The following TAF5 variants were observed in gnomAD, a reference collection of about 807,000 sequenced individuals.
The protein encoded by TAF5 is transcription initiation factor TFIID subunit 5.
In TAF5, 20 loss-of-function variants were observed where a neutral mutation model predicts 80.9. The observed-to-expected ratio is 0.25, with a 90% CI of 0.17 to 0.36. The LOEUF is 0.36. Ranked by LOEUF, TAF5 falls within the 10% of genes least tolerant of loss-of-function variation. TAF5 has a pLI of 1.00. For missense variants in TAF5, 863 were observed against 1,029.4 expected, an observed-to-expected ratio of 0.84 and a Z score of 2.21; for synonymous variants, 388 against 406.4, an observed-to-expected ratio of 0.95 and a Z score of 0.55.
chr10:103,378,333 A>G lies in TAF5; in HGVS notation c.896A>G (p.Asp299Gly). Residue 299 changes from aspartate to glycine, a missense_variant, in exon 3 of 11, where the codon GAT (aspartate) becomes GGT (glycine). Physicochemically the swap from Asp to Gly is moderately conservative, Grantham distance 94 (BLOSUM62 -1). Transcript: ENST00000369839. The surrounding 1 kb of genome is among the most constrained non-coding windows in gnomAD (Gnocchi z 4.1). The stretch of plus-strand genomic sequence containing the variant: ...ATGAAAGGGAATGAGACCATGTTGG[A>G]TTTTCGAACAAGTAAATTTGTTCTG... ...EHMKGNETML[D>G]FRTSKFVLRI... 6.2e-7 allele frequency: 1 copy of G among 1,614,158 alleles called. No individual in the cohort carries two copies. Among genetic ancestry groups the G allele is most frequent in the Non-Finnish European group, 8.5e-7 (1 of 1,180,018 alleles).
chr10:103,381,025 C>T (rs111823138), intron 5 of TAF5, among the ~76,000 whole-genome samples: 3,940 of 152,042 alleles, frequency 0.026, 176 homozygotes, highest in African/African-American at 0.09. Context: ...TTTTGGCTCA[C>T]TGCAACCTCC....
At chr10:103,368,654 G>T in intron 1 of TAF5, 106 bp downstream of exon 1, 2 of 1,359,144 alleles carry the variant, frequency 1.5e-6, no homozygotes, top group South Asian at 3.4e-5. Flanking sequence ...TGAATTTCCT[G>T]GGCCCGCCTC....
At chr10:103,387,805 A>C in intron 10 of TAF5, 107 bp downstream of exon 10, 1 of 1,235,072 alleles carries the variant, frequency 8.1e-7, no homozygotes, top group East Asian at 2.3e-5. Context: ...CCCTTTAGCT[A>C]TGATTCCAGA....
rs1252061528 is a variant in TAF5 at position 103,380,114 on chromosome 10, T to C, written c.1413+95T>C. 6.4e-6 allele frequency: 9 copies of C among 1,406,734 alleles called. No individual in the cohort carries two copies. In the South Asian group the frequency reaches 1.4e-4, roughly 21 times the overall value. The allele number at this position is 1,406,734 out of a possible 1,614,324, so 87.1% of individuals were successfully genotyped here. Reference sequence around the variant, plus strand: ...AACAAATGTATTAGCTAAAATGGAGTTTCGTTATTTAAACTCCTTTTTTTT... The same window carrying C: ...AACAAATGTATTAGCTAAAATGGAGCTTCGTTATTTAAACTCCTTTTTTTT... On this transcript the variant is annotated intron_variant, in intron 5 of 10. Coordinates refer to ENST00000369839, the MANE Select transcript of TAF5 (RefSeq NM_006951.5).
In TAF5 at chr10:103,373,493, A is replaced by T. The variant is rs759442405; in HGVS notation, c.695A>T (p.His232Leu). 6.2e-7 allele frequency: 1 copy of T among 1,614,252 alleles called. No individual in the cohort carries two copies. The highest frequency in any genetic ancestry group is 2.2e-5 in the East Asian group (1 of 44,890). The change falls in exon 2 of 11, where the codon CAT becomes CTT. Residue 232 changes from histidine (H) to leucine (L), a missense_variant. This residue lies in a region of TAF5 where 128 missense variants were observed against 232.2 expected (regional missense o/e 0.55). Coordinates refer to ENST00000369839, the MANE Select transcript of TAF5 (RefSeq NM_006951.5). ...KHFIECSLDC[H>L]RAELSQLFYP... ...TTCATTGAATGTTCCCTGGACTGCC[A>T]TCGGGCAGAGTTGTCCCAACTTTTT...
At chr10:103,371,855 TGTA>T (rs898871594) in intron 1 of TAF5, among the ~76,000 whole-genome samples, 2 of 152,138 alleles carry the variant, frequency 1.3e-5, no homozygotes, top group African/African-American at 4.8e-5. Flanking sequence ...AGAAAGTTAA[TGTA>T]GTTGTTTGAT....
At chr10:103,371,930 T>C (rs2093360374) in intron 1 of TAF5, among the ~76,000 whole-genome samples, 1 of 151,330 alleles carries the variant, frequency 6.6e-6, no homozygotes, top group African/African-American at 2.4e-5. Flanking sequence ...AAATACTGAC[T>C]CCTTGTTATT....
intron 3 of TAF5, 90 bp from the exon 4 acceptor site, chr10:103,379,518 T>C: frequency 1.8e-6 from 2 of 1,139,042 alleles, no homozygotes; most frequent in Non-Finnish European, 2.4e-6. Context: ...TAAATTACTA[T>C]TTTGTAATTG....
Position 103,380,010 on chromosome 10 carries a change from T to C in TAF5, c.1404T>C (p.Asn468=). 1 of 1,612,002 alleles carries C rather than the reference T, an allele frequency of 6.2e-7. No homozygotes were observed. Among genetic ancestry groups the C allele is most frequent in the Non-Finnish European group, 8.5e-7 (1 of 1,179,332 alleles). The change falls in exon 5 of 11, where the codon AAT becomes AAC. Residue 468 remains asparagine (N), a synonymous_variant. Coordinates refer to ENST00000369839, the MANE Select transcript of TAF5 (RefSeq NM_006951.5). ...CCATTTGTTTCTATACATTTCTCAATGCTTACCAGGTTGGTAAAAAAATTG... is the reference window on the plus strand; with the variant it reads ...CCATTTGTTTCTATACATTTCTCAACGCTTACCAGGTTGGTAAAAAAATTG... ...LPSICFYTFL[N]AYQGLTAVDV...
chr10:103,370,189 G>A (rs2093356048), intron 1 of TAF5, among the ~76,000 whole-genome samples: 2 of 151,494 alleles, frequency 1.3e-5, no homozygotes, highest in Non-Finnish European at 2.9e-5. Context: ...CCAAGATTGC[G>A]CCACTGCACT....
At chr10:103,385,925 C>CAAAAAAAAAAAA (rs761128565) in intron 8 of TAF5, among the ~76,000 whole-genome samples, 3 of 41,206 alleles carry the variant, frequency 7.3e-5, no homozygotes, top group Non-Finnish European at 1.2e-4. Flanking sequence ...GACTTCATCT[C>CAAAAAAAAAAAA]AAAAAAAAAA....
intron 1 of TAF5, among the ~76,000 whole-genome samples, chr10:103,368,806 C>T (rs2093352103): frequency 6.6e-6 from 1 of 152,208 alleles, no homozygotes; most frequent in Admixed American, 6.5e-5. Context: ...GAGGCGGGAT[C>T]TTCACGCTCT....
chr10:103,373,486 G>A lies in TAF5; in HGVS notation c.688G>A (p.Asp230Asn). 6.2e-7 allele frequency: 1 copy of A among 1,614,172 alleles called. No homozygotes were observed. The highest frequency in any genetic ancestry group is 8.5e-7 in the Non-Finnish European group (1 of 1,180,046). The change falls in exon 2 of 11, where the codon GAC becomes AAC. Residue 230 changes from aspartate (D) to asparagine (N), a missense_variant. Coordinates refer to ENST00000369839, the MANE Select transcript of TAF5 (RefSeq NM_006951.5). ...GLKHFIECSL[D>N]CHRAELSQLF... Reference sequence around the variant, plus strand: ...GAAACACTTCATTGAATGTTCCCTGGACTGCCATCGGGCAGAGTTGTCCCA... The same window carrying A: ...GAAACACTTCATTGAATGTTCCCTGAACTGCCATCGGGCAGAGTTGTCCCA...
Position 103,387,315 on chromosome 10 carries a change from T to G in TAF5, c.1970T>G (p.Leu657Arg). Reference protein sequence around the residue: ...ADRTVRLWDVLNGNCVRIFTG... With the variant: ...ADRTVRLWDVRNGNCVRIFTG... ...AGAACTGTGCGGCTCTGGGACGTCC[T>G]GAATGGTAACTGTGTAAGGATCTTC... The change falls in exon 9 of 11, where the codon CTG becomes CGG. Residue 657 changes from leucine to arginine, a missense_variant. By Grantham distance (102) the Leu-to-Arg change is moderately radical (BLOSUM62 -2). Transcript: ENST00000369839. 1 of 1,614,152 alleles carries G rather than the reference T, an allele frequency of 6.2e-7. No homozygotes were observed. The highest frequency in any genetic ancestry group is 8.5e-7 in the Non-Finnish European group (1 of 1,180,026).
chr10:103,385,887 T>C (rs531649437), intron 8 of TAF5, among the ~76,000 whole-genome samples: 14 of 125,540 alleles, frequency 1.1e-4, no homozygotes, highest in African/African-American at 4.2e-4. Flanking sequence ...ATCGCACCAT[T>C]GCACTCCAGC....
chr10:103,383,662 T>G (rs1336985502), intron 7 of TAF5, among the ~76,000 whole-genome samples: 1 of 146,934 alleles, frequency 6.8e-6, no homozygotes, highest in Non-Finnish European at 1.5e-5. Flanking sequence ...TACCGCAACC[T>G]CCGCCTCCTG....
intron 2 of TAF5, 32 bp downstream of exon 2, chr10:103,373,627 CA>C: frequency 6.7e-7 from 1 of 1,496,930 alleles, no homozygotes; most frequent in Non-Finnish European, 9.2e-7. Context: ...TATATATACA[CA>C]CATACGTAGT....
chr10:103,373,076 G>A (rs935764289), intron 1 of TAF5, among the ~76,000 whole-genome samples: 3 of 151,510 alleles, frequency 2.0e-5, no homozygotes, highest in African/African-American at 7.3e-5. Context: ...GGTGGCACAC[G>A]CTTGTAGTCC....
intron 2 of TAF5, 90 bp downstream of exon 2, chr10:103,373,685 G>A: frequency 2.1e-6 from 2 of 960,786 alleles, no homozygotes; most frequent in South Asian, 3.5e-5. Flanking sequence ...CCACAAAAAT[G>A]TAAGACTGCA....
Sources: gnomAD v4.1 joint callset for allele counts (sites outside exome capture counted in the v4.1 genomes callset) on GRCh38, gnomAD v4.1.1 for gene constraint, gnomAD v4.1.1 regional missense constraint, Gnocchi (gnomAD v3.1) non-coding constraint, MANE v1.5 for transcripts, NCBI Gene and HGNC (gene_info 2026-07-23, HGNC 2026-07-21) for gene names.